Variants in MRPS21 observed in about 807,000 individuals in gnomAD.
The protein encoded by MRPS21 is mitochondrial ribosomal protein S21.
MRPS21 carries 8 observed loss-of-function variants against 9.9 expected under a neutral mutation model. The ratio of observed to expected loss-of-function variants is 0.81; its 90% confidence interval spans 0.47 to 1.45. The LOEUF (loss-of-function observed/expected upper bound fraction) is 1.45, where lower values mean the gene tolerates loss of function less well. Ranked by LOEUF, MRPS21 falls within the 40% of genes most tolerant of loss-of-function variation. The probability of loss-of-function intolerance (pLI) is 0.00; values close to 1 mark genes in which losing one functional copy is unlikely to be tolerated. For synonymous variants in MRPS21, 40 were observed against 40.3 expected, an observed-to-expected ratio of 0.99 and a Z score of 0.03; for missense variants, 101 against 118.9, an observed-to-expected ratio of 0.85 and a Z score of 0.70.
chr1:150,300,356 C>T (rs1654071515), intron 2 of MRPS21, among the ~76,000 whole-genome samples: 1 of 151,762 alleles, frequency 6.6e-6, no homozygotes. Flanking sequence ...AAAAAAAAGG[C>T]TTGTAGCCTC....
rs144991280 is a variant in MRPS21, at chr1:150,294,759, C to T, written c.83+310C>T. Among the ~76,000 whole-genome samples the T allele has an allele frequency of 3.6e-3, 550 of 151,542 alleles. 15 individuals are homozygous for T. Among genetic ancestry groups the T allele is most frequent in the East Asian group, 7.5e-3 (38 of 5,036 alleles). Reference sequence around the variant, plus strand: ...ACTAAAAATACAAAAATTAGCCGGGCGTGGTGGCAAACGCCTGTAATCTCA... The same window carrying T: ...ACTAAAAATACAAAAATTAGCCGGGTGTGGTGGCAAACGCCTGTAATCTCA... On this transcript the variant is annotated intron_variant, in intron 2 of 2. Transcript: ENST00000614145.
intron 2 of MRPS21, chr1:150,304,037 G>C: frequency 2.5e-6 from 1 of 395,550 alleles, no homozygotes; most frequent in South Asian, 1.8e-5. Flanking sequence ...TCAGCCGGGC[G>C]TGGTGGCTCA....
At chr1:150,306,065 A>G (rs1654320771) in intron 2 of MRPS21, among the ~76,000 whole-genome samples, 1 of 152,170 alleles carries the variant, frequency 6.6e-6, no homozygotes, top group African/African-American at 2.4e-5. Context: ...GATTCTGGGA[A>G]CTTTAGTGGC....
chr1:150,307,345 GT>G (rs1358465763), intron 2 of MRPS21, among the ~76,000 whole-genome samples: 78,199 of 131,994 alleles, frequency 0.59, 23,871 homozygotes, highest in Non-Finnish European at 0.62. Flanking sequence ...ACTGTGCCCA[GT>G]CCTTTTTTTT....
rs587672487 is a variant in MRPS21, at chr1:150,295,121, G to A, written c.83+672G>A. Reference sequence around the variant, plus strand: ...CGCCATTCTCCTGCCTCAGCCTCCTGAGCAGCCAGTACTACAGGCTCCCGC... The same window carrying A: ...CGCCATTCTCCTGCCTCAGCCTCCTAAGCAGCCAGTACTACAGGCTCCCGC... On this transcript the variant is annotated intron_variant, in intron 2 of 2. Transcript: ENST00000614145. Among the ~76,000 whole-genome samples, 244 of 150,194 alleles carry A rather than the reference G, an allele frequency of 1.6e-3. 2 individuals are homozygous for A. The highest frequency in any genetic ancestry group is 4.9e-3 in the African/African-American group (199 of 40,896).
chr1:150,294,107 G>T, intron 1 of MRPS21: 1 of 401,040 alleles, frequency 2.5e-6, no homozygotes, highest in Non-Finnish European at 4.8e-6. Context: ...CGTCTTTGTG[G>T]TAACGCCCTG....
In MRPS21 at chr1:150,294,463, G is replaced by C. The variant is rs781827005; in HGVS notation, c.83+14G>C. 3.1e-6 allele frequency: 5 copies of C among 1,599,032 alleles called. No individual in the cohort carries two copies. The highest frequency in any genetic ancestry group is 2.7e-5 in the African/African-American group (2 of 74,578). ...GACCCTAAACAGGTAACTGTTAAGG[G>C]ACCAGAATCATGCCTAGACTCTCTG... On this transcript the variant is annotated intron_variant, in intron 2 of 2. Coordinates refer to ENST00000614145, the MANE Select transcript of MRPS21 (RefSeq NM_031901.6).
In MRPS21 at chr1:150,308,657, C is replaced by T. The variant is rs1654444888; in HGVS notation, c.*429C>T. On this transcript the variant is annotated 3_prime_UTR_variant, in exon 3 of 3. Coordinates refer to ENST00000614145, the MANE Select transcript of MRPS21 (RefSeq NM_031901.6). ...GACCAGCTTGGCCAATGTGGTGAAACCCCATCTCTACTAAAAATACAAAAA... is the reference window on the plus strand; with the variant it reads ...GACCAGCTTGGCCAATGTGGTGAAATCCCATCTCTACTAAAAATACAAAAA... 7.4e-6 allele frequency: 1 copy of T among 135,424 alleles called. No homozygotes were observed. Among genetic ancestry groups the T allele is most frequent in the Non-Finnish European group, 1.6e-5 (1 of 64,258 alleles). 8.4% of individuals were successfully genotyped at this position (135,424 alleles called of 1,614,324 possible).
At chr1:150,306,956 G>A (rs1186873294) in intron 2 of MRPS21, among the ~76,000 whole-genome samples, 3 of 152,098 alleles carry the variant, frequency 2.0e-5, no homozygotes, top group Admixed American at 2.0e-4. Flanking sequence ...TATCCCTCAG[G>A]TGTGTTGTGG....
intron 2 of MRPS21, among the ~76,000 whole-genome samples, chr1:150,294,853 G>A (rs1345388373): frequency 2.8e-5 from 4 of 142,278 alleles, no homozygotes; most frequent in Non-Finnish European, 6.0e-5. Flanking sequence ...AGCCAAGATC[G>A]AGCCACTTGC....
Position 150,308,534 on chromosome 1 carries a change from A to G in MRPS21, c.*306A>G, listed in dbSNP as rs1572155589. ...AGAGTTTCAGTTTGGGCAGATGAAA[A>G]AGTTCAGGAGACGATGGCCTGGCAT... On this transcript the variant is annotated 3_prime_UTR_variant, in exon 3 of 3. Coordinates refer to ENST00000614145, the MANE Select transcript of MRPS21 (RefSeq NM_031901.6). The G allele has an allele frequency of 4.9e-6, 1 of 205,564 alleles. No individual in the cohort carries two copies. The highest frequency in any genetic ancestry group is 9.8e-6 in the Non-Finnish European group (1 of 101,566). 12.7% of individuals were successfully genotyped at this position (205,564 alleles called of 1,614,324 possible). A position where few individuals can be genotyped will look rare whatever the true frequency, so the allele number is the denominator to read the frequency against.
intron 2 of MRPS21, among the ~76,000 whole-genome samples, chr1:150,304,442 C>T (rs1654251262): frequency 6.6e-6 from 1 of 152,104 alleles, no homozygotes; most frequent in African/African-American, 2.4e-5. Context: ...TGTGGCACAG[C>T]AATCTGTGGT....
intron 2 of MRPS21, chr1:150,305,041 A>T (rs1572151832): frequency 2.6e-6 from 1 of 382,024 alleles, no homozygotes; most frequent in Non-Finnish European, 5.2e-6. Flanking sequence ...CTCCGTCTCA[A>T]AAGAAAGAAA....
intron 2 of MRPS21, chr1:150,304,148 TA>T: frequency 2.5e-6 from 1 of 404,882 alleles, no homozygotes; most frequent in South Asian, 1.8e-5. Flanking sequence ...CTGTCTCTAC[TA>T]AAAATGCAAA....
At position 150,294,896 on chromosome 1, in the gene MRPS21, C is replaced by CAAAA. The variant is rs143847321; in HGVS notation, c.83+453_83+456dup. ...CCTGGGCAAGAGTGAGACTCTATCT[C>CAAAA]AAAAAAAAAGAAAAAAAGTTCTTCC... On this transcript the variant is annotated intron_variant, in intron 2 of 2. Coordinates refer to ENST00000614145, the MANE Select transcript of MRPS21 (RefSeq NM_031901.6). 6.3e-4 allele frequency among the ~76,000 whole-genome samples: 86 copies of CAAAA among 136,360 alleles called. 6 individuals are homozygous for CAAAA. Among genetic ancestry groups the CAAAA allele is most frequent in the African/African-American group, 1.9e-3 (67 of 35,392 alleles). 89.5% of individuals were successfully genotyped at this position (136,360 alleles called of 152,430 possible).
chr1:150,300,509 TCA>T (rs1411921201), intron 2 of MRPS21, among the ~76,000 whole-genome samples: 3 of 152,164 alleles, frequency 2.0e-5, no homozygotes, highest in African/African-American at 7.2e-5. Flanking sequence ...TTAATGTTTG[TCA>T]AACTTTTTTA....
intron 2 of MRPS21, chr1:150,301,322 C>A: frequency 3.5e-6 from 1 of 285,596 alleles, no homozygotes; most frequent in Non-Finnish European, 7.0e-6. Context: ...GGGACGAGAG[C>A]GAGACTTCGT....
intron 2 of MRPS21, among the ~76,000 whole-genome samples, chr1:150,294,954 G>A (rs1281711230): frequency 1.3e-5 from 2 of 148,942 alleles, no homozygotes; most frequent in Non-Finnish European, 3.0e-5. Context: ...TATTCAACAA[G>A]TAATCACCCC....
chr1:150,300,041 T>C (rs1654060517), intron 2 of MRPS21, among the ~76,000 whole-genome samples: 2 of 152,032 alleles, frequency 1.3e-5, no homozygotes, highest in South Asian at 2.1e-4. Context: ...AAAATTATTA[T>C]AATAGACTTG....
Sources: gnomAD v4.1 joint callset for allele counts (sites outside exome capture counted in the v4.1 genomes callset) on GRCh38, gnomAD v4.1.1 for gene constraint, MANE v1.5 for transcripts, NCBI Gene and HGNC (gene_info 2026-07-23, HGNC 2026-07-21) for gene names.